Variants in CPNE8 observed in about 807,000 individuals in gnomAD.
The protein encoded by CPNE8 is copine 8.
Under a neutral mutation model 81.5 loss-of-function variants are expected in CPNE8, and 45 were observed. The ratio of observed to expected loss-of-function variants is 0.55; its 90% CI spans 0.44 to 0.71. The LOEUF (loss-of-function observed/expected upper bound fraction) is 0.71. Among genes scored for constraint, CPNE8 ranks in the 30% least tolerant of loss-of-function variants. CPNE8 has a pLI of 0.00. For missense variants in CPNE8, 594 were observed against 672.1 expected, an observed-to-expected ratio of 0.88 and a Z score of 1.28; for synonymous variants, 252 against 226.3, an observed-to-expected ratio of 1.11 and a Z score of -1.02.
chr12:38,858,037 T>C (rs1943773039), intron 3 of CPNE8, among the ~76,000 whole-genome samples: 1 of 152,234 alleles, frequency 6.6e-6, no homozygotes. Context: ...ATAAATCCTT[T>C]TGAAAACTCT....
At chr12:38,806,275 C>G (rs1480292769) in intron 6 of CPNE8, among the ~76,000 whole-genome samples, 2 of 150,184 alleles carry the variant, frequency 1.3e-5, no homozygotes, top group Non-Finnish European at 3.0e-5. Flanking sequence ...CATCCTGATA[C>G]CAAAGCCAGG....
intron 6 of CPNE8, among the ~76,000 whole-genome samples, chr12:38,779,147 A>G (rs557775774): frequency 1.3e-5 from 2 of 152,306 alleles, no homozygotes; most frequent in East Asian, 3.9e-4. Flanking sequence ...CATCAACCTG[A>G]ACACACTTTA....
intron 6 of CPNE8, among the ~76,000 whole-genome samples, chr12:38,815,116 G>A (rs1943003726): frequency 6.6e-6 from 1 of 152,076 alleles, no homozygotes; most frequent in African/African-American, 2.4e-5. Context: ...AGACTCATGT[G>A]GTGTGAGCAC....
chr12:38,711,217 G>T (rs1940248048), intron 13 of CPNE8, among the ~76,000 whole-genome samples: 1 of 152,124 alleles, frequency 6.6e-6, no homozygotes, highest in Admixed American at 6.5e-5. Flanking sequence ...AGTTCTTTCA[G>T]TTTTCACTGT....
At chr12:38,785,986 G>A (rs970100896) in intron 6 of CPNE8, among the ~76,000 whole-genome samples, 1 of 151,772 alleles carries the variant, frequency 6.6e-6, no homozygotes, top group East Asian at 1.9e-4. Flanking sequence ...AATGGAAGAA[G>A]GAAGGAAAGA....
intron 15 of CPNE8, among the ~76,000 whole-genome samples, chr12:38,690,681 T>C (rs1939654073): frequency 1.3e-5 from 2 of 151,672 alleles, no homozygotes; most frequent in African/African-American, 4.8e-5. Context: ...AGGAGAAAAG[T>C]GGAGGGGAGG....
At chr12:38,880,154 A>G (rs2137119533) in intron 1 of CPNE8, among the ~76,000 whole-genome samples, 1 of 152,382 alleles carries the variant, frequency 6.6e-6, no homozygotes, top group South Asian at 2.1e-4. Context: ...AGAGACCAGT[A>G]TCTCTGAATC....
intron 13 of CPNE8, among the ~76,000 whole-genome samples, chr12:38,717,429 G>A (rs12312513): frequency 0.4 from 33,960 of 84,744 alleles, 7,725 homozygotes; most frequent in Non-Finnish European, 0.43. Flanking sequence ...AAAGTGTGGT[G>A]TATATATATA....
intron 3 of CPNE8, among the ~76,000 whole-genome samples, chr12:38,872,225 C>T (rs190757535): frequency 0.011 from 1,643 of 152,276 alleles, 22 homozygotes; most frequent in South Asian, 0.039. Flanking sequence ...TAGAAACAAG[C>T]TTTGAATTAT....
intron 19 of CPNE8, among the ~76,000 whole-genome samples, chr12:38,668,345 T>C (rs1019186443): frequency 6.6e-6 from 1 of 152,204 alleles, no homozygotes; most frequent in African/African-American, 2.4e-5. Flanking sequence ...CCTATCTCAA[T>C]ATTCTGTTCA....
At chr12:38,878,084 T>C (rs1432505708) in intron 1 of CPNE8, among the ~76,000 whole-genome samples, 1 of 152,216 alleles carries the variant, frequency 6.6e-6, no homozygotes, top group African/African-American at 2.4e-5. Flanking sequence ...CATCAGGAAG[T>C]ACCCTATATG....
intron 19 of CPNE8, among the ~76,000 whole-genome samples, chr12:38,656,836 A>T (rs1298926735): frequency 6.6e-5 from 10 of 152,234 alleles, no homozygotes; most frequent in Admixed American, 6.5e-4. Flanking sequence ...GTCTGTGCAC[A>T]GACCAGAGAA....
chr12:38,818,496 T>G (rs1184783830), intron 6 of CPNE8, among the ~76,000 whole-genome samples: 1 of 152,230 alleles, frequency 6.6e-6, no homozygotes, highest in Admixed American at 6.5e-5. Context: ...TATTCTATGG[T>G]GTATATGTGC....
chr12:38,671,321 T>C (rs1302509443), intron 18 of CPNE8, among the ~76,000 whole-genome samples: 1 of 152,058 alleles, frequency 6.6e-6, no homozygotes, highest in East Asian at 1.9e-4. Context: ...ATTTTTACTT[T>C]ACAAATAGAT....
At chr12:38,745,705 G>C (rs1411272579) in intron 10 of CPNE8, among the ~76,000 whole-genome samples, 2 of 152,066 alleles carry the variant, frequency 1.3e-5, no homozygotes, top group African/African-American at 4.8e-5. Context: ...ACCATGCTGG[G>C]CTAATTTAAA....
intron 3 of CPNE8, among the ~76,000 whole-genome samples, chr12:38,868,234 C>T (rs925994319): frequency 6.6e-6 from 1 of 152,048 alleles, no homozygotes; most frequent in East Asian, 1.9e-4. Flanking sequence ...ATATTGCATG[C>T]TCCCTGAGGT....
In CPNE8 at chr12:38,656,335, T is replaced by G. The variant is rs1219509537; in HGVS notation, c.1507-2265A>C. ...TGGTCTTTAGACTTTTTTTTTTTTT[T>G]GAAGAGTTTTTTTTTTCTTTGTTTT... On this transcript the variant is annotated intron_variant, in intron 19 of 19. Transcript: ENST00000331366. Among the ~76,000 whole-genome samples, 7 of 139,390 alleles carry G rather than the reference T, an allele frequency of 5.0e-5. No individual in the cohort carries two copies. In the South Asian group the frequency reaches 1.4e-3, roughly 27 times the overall value. The allele number at this position is 139,390 out of a possible 152,430, so 91.4% of individuals were successfully genotyped here.
At chr12:38,711,670 T>C (rs1203222212) in intron 13 of CPNE8, among the ~76,000 whole-genome samples, 4 of 152,068 alleles carry the variant, frequency 2.6e-5, no homozygotes, top group South Asian at 2.1e-4. Context: ...AGTTTCACCA[T>C]GTTGGCCAGG....
chr12:38,719,175 A>T (rs1422875506), intron 13 of CPNE8, among the ~76,000 whole-genome samples: 5 of 152,228 alleles, frequency 3.3e-5, no homozygotes, highest in Admixed American at 3.3e-4. Context: ...ACTTCAGAAT[A>T]TCCAATTCAT....
Sources: allele counts gnomAD v4.1 joint callset (sites outside exome capture counted in the v4.1 genomes callset), GRCh38; gene constraint gnomAD v4.1.1; transcripts MANE v1.5; gene names NCBI Gene and HGNC (gene_info 2026-07-23, HGNC 2026-07-21).